Variants in NEK5 observed in about 807,000 individuals in gnomAD.
NEK5 encodes the protein serine/threonine-protein kinase Nek5.
NEK5 carries 88 observed loss-of-function variants against 109.2 expected under a neutral mutation model. The ratio of observed to expected loss-of-function variants is 0.81; its 90% CI spans 0.68 to 0.96. The LOEUF is 0.96. NEK5 is among the 40% of genes least tolerant of loss of function. The pLI is 0.00. For synonymous variants in NEK5, 283 were observed against 299.9 expected (o/e 0.94, Z 0.58); for missense variants, 834 against 920.7 (o/e 0.91, Z 1.22).
intron 21 of NEK5, among the ~76,000 whole-genome samples, chr13:52,064,338 A>G (rs12876498): frequency 5.3e-5 from 5 of 95,132 alleles, no homozygotes; most frequent in Admixed American, 1.1e-4. Flanking sequence ...CAGCCGCCCC[A>G]TCCAGGAGGG....
At chr13:52,084,758 A>AGT (rs1238379537) in intron 16 of NEK5, among the ~76,000 whole-genome samples, 79 of 45,160 alleles carry the variant, frequency 1.7e-3, no homozygotes, top group East Asian at 8.9e-3. Flanking sequence ...AGAGAGAGAG[A>AGT]GAGAGTGTGT....
intron 21 of NEK5, chr13:52,065,154 T>A: frequency 2.5e-6 from 1 of 400,956 alleles, no homozygotes; most frequent in South Asian, 4.9e-5. Flanking sequence ...AATGACCCTA[T>A]GAAATCGCAA....
At chr13:52,078,611 TGGC>T (rs1476555953) in intron 17 of NEK5, among the ~76,000 whole-genome samples, 1 of 151,480 alleles carries the variant, frequency 6.6e-6, no homozygotes, top group Non-Finnish European at 1.5e-5. Flanking sequence ...TTTAAAGAGA[TGGC>T]GGACTCAAGT....
chr13:52,054,444 C>G (rs1209590711), intron 22 of NEK5, among the ~76,000 whole-genome samples: 1 of 152,218 alleles, frequency 6.6e-6, no homozygotes, highest in Non-Finnish European at 1.5e-5. Flanking sequence ...CCTCAGCCTC[C>G]CAAAGGGCTG....
At chr13:52,040,493 G>A (rs1954404450) in intron 23 of NEK5, among the ~76,000 whole-genome samples, 2 of 152,066 alleles carry the variant, frequency 1.3e-5, no homozygotes, top group Non-Finnish European at 1.5e-5. Flanking sequence ...AGCCCAAACA[G>A]GCTAAGAGAA....
chr13:52,053,289 AAAAT>A (rs948152684), intron 22 of NEK5, among the ~76,000 whole-genome samples: 4 of 152,208 alleles, frequency 2.6e-5, no homozygotes, highest in Non-Finnish European at 2.9e-5. Flanking sequence ...CTCCGTCTCA[AAAAT>A]AAATAAATAA....
chr13:52,051,219 ACT>A (rs1362484432), intron 22 of NEK5, among the ~76,000 whole-genome samples: 1 of 151,420 alleles, frequency 6.6e-6, no homozygotes, highest in Non-Finnish European at 1.5e-5. Context: ...TTTTGGCATG[ACT>A]TCTGCTGAGA....
chr13:52,047,684 CAA>C (rs1338777420), intron 23 of NEK5, among the ~76,000 whole-genome samples: 1 of 151,522 alleles, frequency 6.6e-6, no homozygotes, highest in Non-Finnish European at 1.5e-5. Context: ...CTACAAAAAA[CAA>C]AAAAATTAGC....
At chr13:52,128,576 AG>A (rs2138172393) in intron 1 of NEK5, among the ~76,000 whole-genome samples, 1 of 152,204 alleles carries the variant, frequency 6.6e-6, no homozygotes, top group East Asian at 1.9e-4. Flanking sequence ...CAGGGTGGGA[AG>A]TCGGTACTGG....
At chr13:52,087,630 A>G (rs1593959375) in intron 14 of NEK5, among the ~76,000 whole-genome samples, 176 bp from the exon 15 acceptor site, 1 of 152,044 alleles carries the variant, frequency 6.6e-6, no homozygotes, top group East Asian at 1.9e-4. Context: ...TAAAAAATAT[A>G]TATTTTTTTC....
chr13:52,052,649 T>C (rs1011361031), intron 22 of NEK5, among the ~76,000 whole-genome samples: 1 of 152,154 alleles, frequency 6.6e-6, no homozygotes, highest in African/African-American at 2.4e-5. Flanking sequence ...ATATTAAATA[T>C]TAGGCCCTGT....
Position 52,065,490 on chromosome 13 carries a change from GC to G in NEK5, c.1968del (p.Pro657LeufsTer8), listed in dbSNP as rs768417564. ...ACGCTAAGCACAGACTCACTGTCAG[GC>G]CCCGTGGGGCAGGTGGAGGTGATGT... ...VADITSTCPT[G>X]PDNGQVIVIE... On this transcript the variant is annotated frameshift_variant, in exon 21 of 24. Transcript: ENST00000684899. LOFTEE classifies it high-confidence loss of function. The G allele has an allele frequency of 9.3e-6, 15 of 1,613,938 alleles. No homozygotes were observed. Among genetic ancestry groups the G allele is most frequent in the Non-Finnish European group, 1.3e-5 (15 of 1,179,892 alleles).
rs562698447 is a variant in NEK5 at position 52,127,189 on chromosome 13, T to C, written c.117+177A>G. Among the ~76,000 whole-genome samples, 55 of 152,314 alleles carry C rather than the reference T, an allele frequency of 3.6e-4. 1 individual carries two copies. The South Asian group carries it at 0.011, about 31-fold the overall frequency. On this transcript the variant is annotated intron_variant, in intron 3 of 23. Coordinates refer to ENST00000684899, the MANE Select transcript of NEK5 (RefSeq NM_001365552.1). Reference sequence around the variant, plus strand: ...GTGAGCCAGTGCGTCCAGCCTCTTTTTAAAAATGAGATCATTGGTTGCTGT... The same window carrying C: ...GTGAGCCAGTGCGTCCAGCCTCTTTCTAAAAATGAGATCATTGGTTGCTGT...
intron 16 of NEK5, among the ~76,000 whole-genome samples, chr13:52,084,136 C>T (rs1223897462): frequency 1.3e-5 from 2 of 152,244 alleles, no homozygotes; most frequent in Non-Finnish European, 2.9e-5. Flanking sequence ...TGTGCACCTA[C>T]AGGGCTTACT....
intron 9 of NEK5, among the ~76,000 whole-genome samples, chr13:52,103,731 G>C (rs1225559288): frequency 1.3e-5 from 2 of 152,206 alleles, no homozygotes; most frequent in Admixed American, 1.3e-4. Context: ...ATGCCAGGTA[G>C]AGGGTGCCTA....
intron 8 of NEK5, among the ~76,000 whole-genome samples, chr13:52,107,082 A>C (rs1233670837): frequency 6.6e-6 from 1 of 152,204 alleles, no homozygotes; most frequent in Non-Finnish European, 1.5e-5. Flanking sequence ...AATGGACATC[A>C]CAGTGACTGC....
At chr13:52,055,125 C>A (rs920156368) in intron 22 of NEK5, among the ~76,000 whole-genome samples, 57 of 151,824 alleles carry the variant, frequency 3.8e-4, no homozygotes, top group Non-Finnish European at 7.7e-4. Context: ...GAGCTGAAAA[C>A]CAAGGCTCGA....
chr13:52,093,898 A>C (rs761686412), intron 12 of NEK5, among the ~76,000 whole-genome samples: 1 of 152,248 alleles, frequency 6.6e-6, no homozygotes. Flanking sequence ...ATACCTTACC[A>C]TACTTTACAG....
chr13:52,105,791 A>C (rs961923302), intron 8 of NEK5, among the ~76,000 whole-genome samples: 1 of 152,188 alleles, frequency 6.6e-6, no homozygotes, highest in African/African-American at 2.4e-5. Context: ...GCCAGCGGCT[A>C]CCCACCTGAT....
Sources: allele counts gnomAD v4.1 joint callset (sites outside exome capture counted in the v4.1 genomes callset), GRCh38; gene constraint gnomAD v4.1.1; transcripts MANE v1.5; gene names NCBI Gene and HGNC (gene_info 2026-07-23, HGNC 2026-07-21).